Variants in AKAP9 observed in about 807,000 individuals in gnomAD.
The protein encoded by AKAP9 is A-kinase anchoring protein 9.
Under a neutral mutation model 488.5 loss-of-function variants are expected in AKAP9, and 311 were observed. The observed-to-expected ratio is 0.64, with a 90% CI of 0.58 to 0.70. The LOEUF is 0.70. Among genes scored for constraint, AKAP9 ranks in the 30% least tolerant of loss-of-function variants. The probability of loss-of-function intolerance (pLI) is 0.00; values close to 1 mark genes in which losing one functional copy is unlikely to be tolerated. For missense variants in AKAP9, 4,215 were observed against 4,374.5 expected (o/e 0.96, Z 1.03); for synonymous variants, 1,462 against 1,483.5 (o/e 0.99, Z 0.33).
Position 92,079,590 on chromosome 7 carries a change from T to C in AKAP9, c.7457T>C (p.Phe2486Ser). The change falls in exon 31 of 50, where the codon TTT (phenylalanine) becomes TCT (serine). Residue 2486 changes from phenylalanine (F) to serine (S), a missense_variant. Around this residue, in one of 5 missense-constraint regions of AKAP9, gnomAD observed 1,476 missense variants for 1,477.4 expected, o/e 1.00. Coordinates refer to ENST00000356239, the MANE Select transcript of AKAP9 (RefSeq NM_005751.5). ...SLENQTYFKS[F>S]EENGKGSIIN... is the part of the protein sequence containing the mutation. ...GAAAATCAGACATACTTCAAATCTT[T>C]TGAAGAAAATGGCAAAGGTTCCATA... The C allele has an allele frequency of 6.2e-7, 1 of 1,613,862 alleles. No homozygotes were observed. The highest frequency in any genetic ancestry group is 8.5e-7 in the Non-Finnish European group (1 of 1,179,992).
rs886062472 is a variant in AKAP9 at position 92,022,274 on chromosome 7, T to C, written c.3874T>C (p.Phe1292Leu). 3.1e-6 allele frequency: 5 copies of C among 1,613,692 alleles called. No individual in the cohort carries two copies. In the Admixed American group the frequency reaches 8.3e-5, roughly 27 times the overall value. ...GCAGACAGATGGTATGAAACTTGAA[T>C]TTGGAGAAGAAAACCTTCCAAAAGA... The part of the protein sequence containing the change: ...GQQTDGMKLE[F>L]GEENLPKEET... Residue 1292 changes from phenylalanine (F) to leucine (L), a missense_variant, in exon 13 of 50, where the codon TTT becomes CTT. Phe to Leu is a conservative substitution (Grantham distance 22). Coordinates refer to ENST00000356239, the MANE Select transcript of AKAP9 (RefSeq NM_005751.5).
intron 35 of AKAP9, 29 bp downstream of exon 35, chr7:92,084,969 C>G: frequency 6.2e-7 from 1 of 1,608,334 alleles, no homozygotes; most frequent in South Asian, 1.1e-5. Flanking sequence ...CTTTTATTAA[C>G]TCAGCCAGTG....
chr7:91,948,949 C>T (rs1235994153), intron 1 of AKAP9, among the ~76,000 whole-genome samples: 1 of 151,894 alleles, frequency 6.6e-6, no homozygotes, highest in African/African-American at 2.4e-5. Flanking sequence ...TGGGATTTCA[C>T]CATGTTGGCC....
chr7:92,014,728 G>GT (rs1465042898), intron 10 of AKAP9, among the ~76,000 whole-genome samples: 2 of 152,174 alleles, frequency 1.3e-5, no homozygotes, highest in African/African-American at 4.8e-5. Context: ...ACCCAGCCTA[G>GT]TTTTCTTCAC....
At position 91,941,038 on chromosome 7, in the gene AKAP9, T is replaced by C; in HGVS notation, c.-62T>C. On this transcript the variant is annotated 5_prime_UTR_variant, in exon 1 of 50. Transcript: ENST00000356239. ...CGTCCCACCTCCGTCCAAATCGACCTTTCCTTTCTATCCCCAACCACCCCT... is the reference window on the plus strand; with the variant it reads ...CGTCCCACCTCCGTCCAAATCGACCCTTCCTTTCTATCCCCAACCACCCCT... 2.6e-6 allele frequency: 4 copies of C among 1,542,408 alleles called. No individual in the cohort carries two copies. Among genetic ancestry groups the C allele is most frequent in the Non-Finnish European group, 9.0e-7 (1 of 1,114,810 alleles).
At chr7:92,013,157 A>G (rs1801007944) in intron 9 of AKAP9, among the ~76,000 whole-genome samples, 1 of 150,062 alleles carries the variant, frequency 6.7e-6, no homozygotes, top group Non-Finnish European at 1.5e-5. Flanking sequence ...ACGCCCGGCT[A>G]ATTTTTTGTA....
At chr7:92,091,990 A>G (rs1815717227) in intron 38 of AKAP9, 1 of 152,210 alleles carries the variant, frequency 6.6e-6, no homozygotes, top group South Asian at 2.1e-4. Context: ...AGAGTAGTAT[A>G]GTATTACATA....
chr7:92,077,308 C>A (rs1467411368), intron 29 of AKAP9, among the ~76,000 whole-genome samples: 1 of 151,572 alleles, frequency 6.6e-6, no homozygotes, highest in Non-Finnish European at 1.5e-5. Flanking sequence ...AGCCAGGATG[C>A]TCTCGATCTC....
intron 23 of AKAP9, 151 bp from the exon 24 acceptor site, chr7:92,062,123 T>G: frequency 1.5e-6 from 1 of 671,820 alleles, no homozygotes; most frequent in Non-Finnish European, 2.6e-6. Context: ...TGATAGTTGC[T>G]GTGATGAGCA....
At position 91,940,976 on chromosome 7, in the gene AKAP9, G is replaced by C. The variant is rs4727267; in HGVS notation, c.-124G>C. On this transcript the variant is annotated 5_prime_UTR_variant, in exon 1 of 50. Coordinates refer to ENST00000356239, the MANE Select transcript of AKAP9 (RefSeq NM_005751.5). Reference sequence around the variant, plus strand: ...CTGCTTCCACTTCGGGCGGGGGAGCGCCGGACCGAATCGGCTCTCTAGGCC... The same window carrying C: ...CTGCTTCCACTTCGGGCGGGGGAGCCCCGGACCGAATCGGCTCTCTAGGCC... The C allele has an allele frequency of 0.62, 629,005 of 1,022,494 alleles. 195,774 individuals are homozygous for C. Among genetic ancestry groups the C allele is most frequent in the East Asian group, 0.82 (34,119 of 41,740 alleles). The allele number at this position is 1,022,494 out of a possible 1,614,324, so 63.3% of individuals were successfully genotyped here. A position where few individuals can be genotyped will look rare whatever the true frequency, so the allele number is the denominator to read the frequency against.
At chr7:92,030,059 G>T in intron 15 of AKAP9, 68 bp downstream of exon 15, 1 of 1,081,698 alleles carries the variant, frequency 9.2e-7, no homozygotes. Flanking sequence ...TTTTATGTCT[G>T]GTTTACTATC....
chr7:92,011,017 T>C (rs571379382), intron 8 of AKAP9, among the ~76,000 whole-genome samples: 1 of 152,336 alleles, frequency 6.6e-6, no homozygotes, highest in South Asian at 2.1e-4. Context: ...ATAATTTTTT[T>C]TCAATGGAGA....
At chr7:91,957,294 G>C (rs1793136218) in intron 1 of AKAP9, among the ~76,000 whole-genome samples, 1 of 152,130 alleles carries the variant, frequency 6.6e-6, no homozygotes, top group South Asian at 2.1e-4. Context: ...AATTGTAAAG[G>C]AATATATATG....
In AKAP9 at chr7:92,079,971, G is replaced by A. The variant is rs772761306; in HGVS notation, c.7838G>A (p.Ser2613Asn). The A allele has an allele frequency of 1.5e-5, 23 of 1,584,098 alleles. No homozygotes were observed. Among genetic ancestry groups the A allele is most frequent in the Non-Finnish European group, 2.0e-5 (23 of 1,169,656 alleles). Residue 2613 changes from serine to asparagine, a missense_variant, in exon 31 of 50, where the codon AGC becomes AAC. This residue lies in a region of AKAP9 where 1,476 missense variants were observed against 1,477.4 expected (regional missense o/e 1.00). Transcript: ENST00000356239. ...ALTLRISELE[S>N]QVVEMHTSLI... is the part of the protein sequence containing the mutation. ...ACCTTGAGAATATCAGAATTAGAAA[G>A]CCAGGTTGTTGAAATGCATACTAGT... is the stretch of plus-strand genomic sequence containing the variant.
intron 39 of AKAP9, among the ~76,000 whole-genome samples, chr7:92,093,978 G>A (rs569171366): frequency 2.6e-3 from 400 of 152,004 alleles, no homozygotes; most frequent in Non-Finnish European, 4.2e-3. Flanking sequence ...AGCCTTCTGA[G>A]TAGCTGGGAT....
chr7:91,972,340 G>A (rs1226714104), intron 1 of AKAP9, among the ~76,000 whole-genome samples: 1 of 152,056 alleles, frequency 6.6e-6, no homozygotes, highest in South Asian at 2.1e-4. Context: ...GTACTTCCTG[G>A]TTGTCCCTGG....
chr7:92,067,048 T>C (rs1485203366), intron 26 of AKAP9, among the ~76,000 whole-genome samples: 2 of 152,174 alleles, frequency 1.3e-5, no homozygotes, highest in Non-Finnish European at 2.9e-5. Flanking sequence ...CTCCCAGAAA[T>C]ACTTCCTTCT....
intron 32 of AKAP9, 48 bp downstream of exon 32, chr7:92,082,710 A>G: frequency 6.3e-7 from 1 of 1,596,992 alleles, no homozygotes; most frequent in Non-Finnish European, 8.6e-7. Context: ...TACCTATCTT[A>G]ATTACGTTTC....
intron 48 of AKAP9, chr7:92,107,724 G>A (rs1271654094): frequency 2.8e-5 from 8 of 284,404 alleles, no homozygotes; most frequent in Non-Finnish European, 4.8e-5. Flanking sequence ...GGTGGCAGGC[G>A]CCTGTGGTCC....
Sources: allele counts gnomAD v4.1 joint callset (sites outside exome capture counted in the v4.1 genomes callset), GRCh38; gene constraint gnomAD v4.1.1; regional missense constraint gnomAD v4.1.1; transcripts MANE v1.5; gene names NCBI Gene and HGNC (gene_info 2026-07-23, HGNC 2026-07-21).